MAVS: variants seen among roughly 807,000 people sequenced by gnomAD.
MAVS encodes the protein mitochondrial antiviral-signaling protein.
Under a neutral mutation model 30.2 loss-of-function variants are expected in MAVS, and 20 were observed. The ratio of observed to expected loss-of-function variants is 0.66; its 90% CI spans 0.47 to 0.96. The LOEUF (loss-of-function observed/expected upper bound fraction) is 0.96, where lower values mean the gene tolerates loss of function less well. MAVS is among the 40% of genes least tolerant of loss of function. The pLI, the probability that MAVS is intolerant of heterozygous loss-of-function variation, is 0.00. For synonymous variants in MAVS, 278 were observed against 293.9 expected (o/e 0.95, Z 0.55); for missense variants, 624 against 701.1 (o/e 0.89, Z 1.24).
At chr20:3,858,434 C>T (rs139479619) in intron 3 of MAVS, among the ~76,000 whole-genome samples, 1,976 of 152,168 alleles carry the variant, frequency 0.013, 44 homozygotes, top group African/African-American at 0.044. Flanking sequence ...AATCCCAGCA[C>T]TTTGGGAGGC....
At chr20:3,859,339 G>C (rs1006747261) in intron 3 of MAVS, among the ~76,000 whole-genome samples, 1 of 151,770 alleles carries the variant, frequency 6.6e-6, no homozygotes, top group Admixed American at 6.6e-5. Context: ...AACCCTGTCT[G>C]TACCAAAAAT....
In MAVS at chr20:3,867,075, C is replaced by A; in HGVS notation, c.*928C>A. 2.2e-6 allele frequency: 1 copy of A among 456,728 alleles called. No individual in the cohort carries two copies. Among genetic ancestry groups the A allele is most frequent in the Non-Finnish European group, 4.4e-6 (1 of 226,970 alleles). 28.3% of individuals were successfully genotyped at this position (456,728 alleles called of 1,614,324 possible). ...GTGCCTGGCCCAGAGCAAGTGGCCA[C>A]TGCTTCTCCCATCTCTCTCCTGCCC... On this transcript the variant is annotated 3_prime_UTR_variant, in exon 7 of 7. Transcript: ENST00000428216.
chr20:3,850,885 C>CAAAAA (rs35643330), intron 1 of MAVS, among the ~76,000 whole-genome samples: 1 of 93,468 alleles, frequency 1.1e-5, no homozygotes, highest in Non-Finnish European at 2.4e-5. Context: ...AACTCCGTCT[C>CAAAAA]AAAAAAAAAA....
At chr20:3,853,810 C>T (rs1174198400) in intron 1 of MAVS, among the ~76,000 whole-genome samples, 1 of 151,926 alleles carries the variant, frequency 6.6e-6, no homozygotes, top group East Asian at 1.9e-4. Context: ...GTTTTTGAGA[C>T]AGAGTTTCGC....
chr20:3,854,571 C>T lies in MAVS; in HGVS notation c.-54C>T. ...GTTTTCTTCCAGTCTCGTTTCCTCTCAGTCCATCCACCCTTCATGGGGCCA... is the reference window on the plus strand; with the variant it reads ...GTTTTCTTCCAGTCTCGTTTCCTCTTAGTCCATCCACCCTTCATGGGGCCA... On this transcript the variant is annotated 5_prime_UTR_variant, in exon 2 of 7. Transcript: ENST00000428216. 1 of 1,275,840 alleles carries T rather than the reference C, an allele frequency of 7.8e-7. No homozygotes were observed. Among genetic ancestry groups the T allele is most frequent in the East Asian group, 2.3e-5 (1 of 42,610 alleles). 79.0% of individuals were successfully genotyped at this position (1,275,840 alleles called of 1,614,324 possible).
chr20:3,870,731 A>C lies in MAVS; in HGVS notation c.*4584A>C, dbSNP rs1357880257. The C allele has an allele frequency of 6.9e-6, 1 of 145,516 alleles. No homozygotes were observed. Among genetic ancestry groups the C allele is most frequent in the Non-Finnish European group, 1.5e-5 (1 of 66,488 alleles). The allele number at this position is 145,516 out of a possible 1,614,324, so 9.0% of individuals were successfully genotyped here. On this transcript the variant is annotated 3_prime_UTR_variant, in exon 7 of 7. Transcript: ENST00000428216. The stretch of plus-strand genomic sequence containing the variant: ...CTCAAACTATTAATAGCTTCCTTTG[A>C]GCAACATTATTTATTATGAACTTTC...
In MAVS at chr20:3,866,239, T is replaced by C; in HGVS notation, c.*92T>C. On this transcript the variant is annotated 3_prime_UTR_variant, in exon 7 of 7. Transcript: ENST00000428216. ...AGCCCCTTGTCCCTTTCTTGGGGAT[T>C]GTGGAGGCTGGGTCAGAGGGGAGTT... The C allele has an allele frequency of 1.6e-6, 2 of 1,266,776 alleles. No individual in the cohort carries two copies. The highest frequency in any genetic ancestry group is 1.1e-6 in the Non-Finnish European group (1 of 939,244). The allele number at this position is 1,266,776 out of a possible 1,614,324, so 78.5% of individuals were successfully genotyped here.
intron 1 of MAVS, among the ~76,000 whole-genome samples, chr20:3,853,565 A>G (rs2089783133): frequency 6.6e-6 from 1 of 151,856 alleles, no homozygotes; most frequent in Non-Finnish European, 1.5e-5. Context: ...AGGCGGAGGC[A>G]GGGGGATCGC....
chr20:3,866,307 C>A lies in MAVS; in HGVS notation c.*160C>A. The A allele has an allele frequency of 1.4e-6, 1 of 695,872 alleles. No homozygotes were observed. The highest frequency in any genetic ancestry group is 2.3e-6 in the Non-Finnish European group (1 of 427,434). The allele number at this position is 695,872 out of a possible 1,614,324, so 43.1% of individuals were successfully genotyped here. A position where few individuals can be genotyped will look rare whatever the true frequency, so the allele number is the denominator to read the frequency against. On this transcript the variant is annotated 3_prime_UTR_variant, in exon 7 of 7. Transcript: ENST00000428216. ...GCAGCAGGACATGCCTTGGCTGAAC[C>A]AAGTCCTGAGAGCAGCATCTCTGTC...
intron 3 of MAVS, among the ~76,000 whole-genome samples, chr20:3,858,482 A>C (rs1448821832): frequency 6.6e-6 from 1 of 151,916 alleles, no homozygotes; most frequent in African/African-American, 2.4e-5. Context: ...GATGGAGACC[A>C]CCCTGGCTAA....
At chr20:3,850,878 T>G (rs910995183) in intron 1 of MAVS, among the ~76,000 whole-genome samples, 16 of 107,874 alleles carry the variant, frequency 1.5e-4, no homozygotes, top group African/African-American at 6.0e-4. Context: ...AGAGCGAAAC[T>G]CCGTCTCAAA....
intron 1 of MAVS, among the ~76,000 whole-genome samples, chr20:3,848,516 G>C (rs996965685): frequency 5.9e-5 from 9 of 152,214 alleles, no homozygotes; most frequent in Admixed American, 5.9e-4. Flanking sequence ...TGCCCCACGA[G>C]GAATGTAGCA....
intron 3 of MAVS, among the ~76,000 whole-genome samples, chr20:3,858,798 CTTTT>C (rs1194555399): frequency 7.0e-6 from 1 of 142,344 alleles, no homozygotes; most frequent in African/African-American, 2.6e-5. Flanking sequence ...CTTTCTCTCT[CTTTT>C]TTTTTTTTCC....
chr20:3,863,597 A>G (rs1162525747), intron 5 of MAVS, among the ~76,000 whole-genome samples: 4 of 152,052 alleles, frequency 2.6e-5, no homozygotes, highest in Non-Finnish European at 5.9e-5. Context: ...GTACATCAGA[A>G]TCACCCTGAC....
At position 3,867,884 on chromosome 20, in the gene MAVS, T is replaced by C. The variant is rs1247973796; in HGVS notation, c.*1737T>C. 1 of 152,368 alleles carries C rather than the reference T, an allele frequency of 6.6e-6. No homozygotes were observed. The highest frequency in any genetic ancestry group is 1.5e-5 in the Non-Finnish European group (1 of 68,116). 9.4% of individuals were successfully genotyped at this position (152,368 alleles called of 1,614,324 possible). ...TTGGGGTGGATTGGGGGTATCCTTA[T>C]GGGTTCTTTTCAGGGAACCATTGCT... On this transcript the variant is annotated 3_prime_UTR_variant, in exon 7 of 7. Transcript: ENST00000428216.
chr20:3,858,963 C>A (rs1253003041), intron 3 of MAVS, among the ~76,000 whole-genome samples: 1 of 151,780 alleles, frequency 6.6e-6, no homozygotes, highest in East Asian at 2.0e-4. Context: ...CTACACCTGG[C>A]TAATTTTTAA....
At chr20:3,857,528 C>A in intron 2 of MAVS, 107 bp from the exon 3 acceptor site, 1 of 1,366,364 alleles carries the variant, frequency 7.3e-7, no homozygotes, top group Non-Finnish European at 1.0e-6. Context: ...GGCTGCCTTG[C>A]CCTTGTGGCT....
At position 3,870,592 on chromosome 20, in the gene MAVS, G is replaced by A. The variant is rs1404354446; in HGVS notation, c.*4445G>A. ...AGGTGGGAGGATCCCTTGAAGCCAG[G>A]AGTTTGAGACAAGCCTGGGCAACAA... is the stretch of plus-strand genomic sequence containing the variant. On this transcript the variant is annotated 3_prime_UTR_variant, in exon 7 of 7. Transcript: ENST00000428216. The A allele has an allele frequency of 4.1e-5, 5 of 121,160 alleles. No homozygotes were observed. The highest frequency in any genetic ancestry group is 1.6e-5 in the Non-Finnish European group (1 of 62,056). 7.5% of individuals were successfully genotyped at this position (121,160 alleles called of 1,614,324 possible).
intron 3 of MAVS, among the ~76,000 whole-genome samples, chr20:3,859,854 T>TC (rs1159607696): frequency 6.6e-6 from 1 of 151,920 alleles, no homozygotes; most frequent in Admixed American, 6.6e-5. Context: ...TTTCGCTCTG[T>TC]CGCCCAGGCT....
Sources: gnomAD v4.1 joint callset for allele counts (sites outside exome capture counted in the v4.1 genomes callset) on GRCh38, gnomAD v4.1.1 for gene constraint, MANE v1.5 for transcripts, NCBI Gene and HGNC (gene_info 2026-07-23, HGNC 2026-07-21) for gene names.